The following ITPR2 variants were observed in gnomAD, a reference collection of about 807,000 sequenced individuals.
The protein encoded by ITPR2 is inositol 1,4,5-trisphosphate-gated calcium channel ITPR2.
In ITPR2, 207 loss-of-function variants were observed where a neutral mutation model predicts 317.1. The observed-to-expected ratio is 0.65, with a 90% confidence interval of 0.58 to 0.73. The LOEUF is 0.73. ITPR2 is among the 30% of genes least tolerant of loss of function. The probability of loss-of-function intolerance (pLI) is 0.00; values close to 1 mark genes in which losing one functional copy is unlikely to be tolerated. For missense variants in ITPR2, 2,613 were observed against 3,284.0 expected (o/e 0.80, Z 4.99); for synonymous variants, 1,156 against 1,149.1 (o/e 1.01, Z -0.12).
intron 21 of ITPR2, among the ~76,000 whole-genome samples, chr12:26,648,510 C>CTTTTTTTTTTTTTT (rs34607660): frequency 7.6e-6 from 1 of 131,344 alleles, no homozygotes. Flanking sequence ...AAACCACTTT[C>CTTTTTTTTTTTTTT]TTTTTTTTTT....
At chr12:26,493,485 T>C (rs984013597) in intron 39 of ITPR2, among the ~76,000 whole-genome samples, 13 of 152,160 alleles carry the variant, frequency 8.5e-5, no homozygotes, top group African/African-American at 3.1e-4. Flanking sequence ...AGGAATAAAT[T>C]CCTGTGTTCT....
chr12:26,345,293 C>T (rs972460682), intron 55 of ITPR2, among the ~76,000 whole-genome samples: 10 of 151,916 alleles, frequency 6.6e-5, no homozygotes, highest in African/African-American at 2.4e-4. Context: ...TACAGTAGTC[C>T]CCCTTATTTG....
intron 30 of ITPR2, among the ~76,000 whole-genome samples, chr12:26,597,855 T>C (rs1466900949): frequency 6.6e-6 from 1 of 152,200 alleles, no homozygotes; most frequent in Non-Finnish European, 1.5e-5. Context: ...CAGTGTGAGA[T>C]ACATTGGTGG....
intron 11 of ITPR2, among the ~76,000 whole-genome samples, chr12:26,683,572 TA>T (rs913917885): frequency 1.3e-5 from 2 of 152,216 alleles, no homozygotes; most frequent in African/African-American, 4.8e-5. Flanking sequence ...CAACGTACAT[TA>T]AATAAGGTGT....
chr12:26,600,915 T>G (rs1945984809), intron 28 of ITPR2, among the ~76,000 whole-genome samples: 1 of 152,072 alleles, frequency 6.6e-6, no homozygotes, highest in Non-Finnish European at 1.5e-5. Context: ...TATTTCCACC[T>G]ATTTCTTTTT....
At chr12:26,686,410 T>C (rs1948125504) in intron 11 of ITPR2, 71 bp downstream of exon 11, 2 of 962,596 alleles carry the variant, frequency 2.1e-6, no homozygotes, top group Non-Finnish European at 2.9e-6. Flanking sequence ...TATATTAATA[T>C]TATTATTTTC....
chr12:26,705,707 C>T (rs993343347), intron 9 of ITPR2, among the ~76,000 whole-genome samples: 3 of 152,152 alleles, frequency 2.0e-5, no homozygotes, highest in Admixed American at 6.6e-5. Flanking sequence ...AATGACATCG[C>T]TAGTTCTCCA....
intron 9 of ITPR2, among the ~76,000 whole-genome samples, chr12:26,703,401 T>C (rs1403472955): frequency 6.6e-6 from 1 of 152,200 alleles, no homozygotes; most frequent in Non-Finnish European, 1.5e-5. Flanking sequence ...TTCTACCTAG[T>C]AGGCATTCAA....
At chr12:26,764,149 A>G (rs1358951194) in intron 2 of ITPR2, among the ~76,000 whole-genome samples, 1 of 152,140 alleles carries the variant, frequency 6.6e-6, no homozygotes, top group Non-Finnish European at 1.5e-5. Context: ...GGACATCCAC[A>G]TGCAAGAAAC....
At chr12:26,638,981 A>G (rs901119969) in intron 21 of ITPR2, among the ~76,000 whole-genome samples, 1 of 152,232 alleles carries the variant, frequency 6.6e-6, no homozygotes, top group Non-Finnish European at 1.5e-5. Context: ...CATTGTTAAC[A>G]AAACACTCAT....
intron 8 of ITPR2, among the ~76,000 whole-genome samples, chr12:26,712,281 T>C (rs1014630280): frequency 2.0e-5 from 3 of 152,196 alleles, no homozygotes; most frequent in African/African-American, 4.8e-5. Flanking sequence ...CATTACGTTC[T>C]TTTTGCTAGT....
intron 52 of ITPR2, among the ~76,000 whole-genome samples, chr12:26,405,837 A>G (rs1171275410): frequency 6.6e-6 from 1 of 152,194 alleles, no homozygotes; most frequent in Non-Finnish European, 1.5e-5. Context: ...GCATGCCTGT[A>G]ATCCCAGATA....
At position 26,370,191 on chromosome 12, in the gene ITPR2, A is replaced by G. The variant is rs531074284; in HGVS notation, c.7857+17243T>C. Among the ~76,000 whole-genome samples the G allele has an allele frequency of 5.3e-5, 8 of 152,326 alleles. No individual in the cohort carries two copies. In the East Asian group the frequency reaches 1.2e-3, roughly 22 times the overall value. ...GGATGATGGTAACCCCTGAATTTGT[A>G]CCTATTTGGTCCAAAGTATGAGTGG... On this transcript the variant is annotated intron_variant, in intron 55 of 56. Coordinates refer to ENST00000381340, the MANE Select transcript of ITPR2 (RefSeq NM_002223.4).
rs1565633006 is a variant in ITPR2, at chr12:26,602,465, G to T, written c.3583C>A (p.Gln1195Lys). ...ILIRLSKLCV[Q>K]NKKCRNQHQR... is the part of the protein sequence containing the mutation. ...TGTTGATTCCGACACTTTTTATTCTGCACACAGAGTTTACTTAGCCTGATC... is the reference window on the plus strand; with the variant it reads ...TGTTGATTCCGACACTTTTTATTCTTCACACAGAGTTTACTTAGCCTGATC... Residue 1195 changes from glutamine to lysine, a missense_variant, in exon 28 of 57, where the codon CAG becomes AAG. Physicochemically the swap from Gln to Lys is moderately conservative, Grantham distance 53. This residue lies in a region of ITPR2 where 817 missense variants were observed against 897.6 expected (regional missense o/e 0.91). Coordinates refer to ENST00000381340, the MANE Select transcript of ITPR2 (RefSeq NM_002223.4). The T allele has an allele frequency of 6.2e-7, 1 of 1,613,272 alleles. No homozygotes were observed. The highest frequency in any genetic ancestry group is 1.7e-5 in the Admixed American group (1 of 59,974).
intron 52 of ITPR2, among the ~76,000 whole-genome samples, chr12:26,405,165 A>G (rs1042719937): frequency 1.3e-5 from 2 of 151,914 alleles, no homozygotes; most frequent in African/African-American, 2.4e-5. Flanking sequence ...AAGAAGAAAG[A>G]AGGAGGAGGA....
At chr12:26,511,441 G>A (rs925619232) in intron 37 of ITPR2, among the ~76,000 whole-genome samples, 4 of 152,176 alleles carry the variant, frequency 2.6e-5, no homozygotes, top group Non-Finnish European at 5.9e-5. Context: ...TATTTGGTTG[G>A]TATGATTTTC....
At chr12:26,726,931 C>T (rs749660724) in intron 2 of ITPR2, among the ~76,000 whole-genome samples, 2 of 151,898 alleles carry the variant, frequency 1.3e-5, no homozygotes, top group African/African-American at 2.4e-5. Context: ...GATTGCCCCA[C>T]CCCCCATATA....
At chr12:26,475,874 G>T (rs1942405806) in intron 44 of ITPR2, among the ~76,000 whole-genome samples, 1 of 152,174 alleles carries the variant, frequency 6.6e-6, no homozygotes, top group Non-Finnish European at 1.5e-5. Flanking sequence ...CCAGGGCTAT[G>T]TATGTTTCTG....
At chr12:26,469,808 G>A (rs1591810778) in intron 45 of ITPR2, among the ~76,000 whole-genome samples, 1 of 152,256 alleles carries the variant, frequency 6.6e-6, no homozygotes, top group Admixed American at 6.5e-5. Context: ...CTGATGGATC[G>A]AGGGCTGCAT....
Sources: gnomAD v4.1 joint callset for allele counts (sites outside exome capture counted in the v4.1 genomes callset) on GRCh38, gnomAD v4.1.1 for gene constraint, gnomAD v4.1.1 regional missense constraint, MANE v1.5 for transcripts, NCBI Gene and HGNC (gene_info 2026-07-23, HGNC 2026-07-21) for gene names.